ENTREP2: variants seen among roughly 807,000 people sequenced by gnomAD.
The protein encoded by ENTREP2 is protein ENTREP2.
At chr15:29,158,406 T>TTTC in the ENTREP2 span, among the ~76,000 whole-genome samples, 1,297 of 9,018 alleles carry the variant, frequency 0.14, 17 homozygotes, top group African/African-American at 0.22. Flanking sequence ...TATCTCTGCC[T>TTTC]TTTTTTTTTT....
chr15:29,556,762 GC>G, the ENTREP2 span, among the ~76,000 whole-genome samples: 32 of 38,944 alleles, frequency 8.2e-4, 1 homozygote, highest in South Asian at 1.1e-3. Flanking sequence ...CCATGCAGGT[GC>G]CCCCCCCCCG....
At chr15:29,175,966 T>C in the ENTREP2 span, among the ~76,000 whole-genome samples, 1 of 152,198 alleles carries the variant, frequency 6.6e-6, no homozygotes, top group Non-Finnish European at 1.5e-5. Context: ...GACTACTTCT[T>C]TTACTCCCAT....
At chr15:29,404,267 T>C in the ENTREP2 span, among the ~76,000 whole-genome samples, 1 of 152,024 alleles carries the variant, frequency 6.6e-6, no homozygotes. Context: ...TCCCTGGGTT[T>C]AGACACTTCT....
chr15:29,182,550 A>G, the ENTREP2 span, among the ~76,000 whole-genome samples: 1 of 152,152 alleles, frequency 6.6e-6, no homozygotes, highest in Admixed American at 6.5e-5. Flanking sequence ...TTATTGAAAA[A>G]CAGAAGGCTA....
chr15:29,217,176 G>A, the ENTREP2 span, among the ~76,000 whole-genome samples: 1 of 152,220 alleles, frequency 6.6e-6, no homozygotes, highest in Non-Finnish European at 1.5e-5. Flanking sequence ...CCTAGGAATT[G>A]TGGATACAGC....
At chr15:29,540,419 G>T in the ENTREP2 span, among the ~76,000 whole-genome samples, 1 of 152,076 alleles carries the variant, frequency 6.6e-6, no homozygotes, top group Non-Finnish European at 1.5e-5. Flanking sequence ...AAAGAAAGAG[G>T]CCAGTGGAAG....
the ENTREP2 span, among the ~76,000 whole-genome samples, chr15:29,420,145 G>A: frequency 1.3e-5 from 2 of 152,310 alleles, no homozygotes; most frequent in South Asian, 2.1e-4. Flanking sequence ...ATTCAGGCAC[G>A]AGTCTCAATG....
chr15:29,175,128 TG>T, the ENTREP2 span, among the ~76,000 whole-genome samples: 1 of 152,128 alleles, frequency 6.6e-6, no homozygotes, highest in Non-Finnish European at 1.5e-5. Context: ...TCACTGCATA[TG>T]GCGGTGAGAG....
At chr15:29,125,693 G>A in the ENTREP2 span, among the ~76,000 whole-genome samples, 3 of 152,306 alleles carry the variant, frequency 2.0e-5, no homozygotes, top group East Asian at 3.9e-4. Flanking sequence ...GTTCTCCAGC[G>A]CCGGGGGTGC....
At chr15:29,388,803 T>C in the ENTREP2 span, among the ~76,000 whole-genome samples, 11 of 152,142 alleles carry the variant, frequency 7.2e-5, no homozygotes, top group South Asian at 6.2e-4. Flanking sequence ...GATGAGTTCA[T>C]GTCCTTTGTA....
chr15:29,594,483 G>A, the ENTREP2 span, among the ~76,000 whole-genome samples: 1 of 152,112 alleles, frequency 6.6e-6, no homozygotes, highest in Non-Finnish European at 1.5e-5. Context: ...TTCTCCAGAG[G>A]TGCAATAGAT....
At chr15:29,479,068 G>A in the ENTREP2 span, among the ~76,000 whole-genome samples, 8 of 149,690 alleles carry the variant, frequency 5.3e-5, no homozygotes, top group African/African-American at 9.8e-5. Flanking sequence ...TTAGCCGGGC[G>A]TGGTGGCGGG....
chr15:29,656,588 T>G, the ENTREP2 span, among the ~76,000 whole-genome samples: 5 of 152,150 alleles, frequency 3.3e-5, no homozygotes, highest in South Asian at 2.1e-4. Context: ...ACACAGCAAA[T>G]GGAAAGATGC....
chr15:29,473,378 G>A, the ENTREP2 span, among the ~76,000 whole-genome samples: 5 of 152,070 alleles, frequency 3.3e-5, no homozygotes, highest in Admixed American at 6.6e-5. Context: ...GGAGGCCACC[G>A]AGGGATGGTG....
At chr15:29,445,280 ATG>A in the ENTREP2 span, among the ~76,000 whole-genome samples, 2 of 152,080 alleles carry the variant, frequency 1.3e-5, no homozygotes, top group African/African-American at 4.8e-5. Flanking sequence ...CTCCAAGGTG[ATG>A]TGTCTTTTTG....
At chr15:29,200,035 G>C in the ENTREP2 span, among the ~76,000 whole-genome samples, 10 of 152,118 alleles carry the variant, frequency 6.6e-5, no homozygotes, top group Admixed American at 6.6e-4. Flanking sequence ...ATATTTGTGT[G>C]TCTCTATCTG....
At chr15:29,480,120 GCTTT>G in the ENTREP2 span, among the ~76,000 whole-genome samples, 1 of 151,898 alleles carries the variant, frequency 6.6e-6, no homozygotes, top group Non-Finnish European at 1.5e-5. Context: ...AATTATCTCT[GCTTT>G]TTTTCCCTTC....
chr15:29,446,089 C>G, the ENTREP2 span, among the ~76,000 whole-genome samples: 1 of 152,176 alleles, frequency 6.6e-6, no homozygotes, highest in Non-Finnish European at 1.5e-5. Flanking sequence ...AGCTAGTTCG[C>G]CCCTTCCACC....
chr15:29,402,010 A>T, the ENTREP2 span, among the ~76,000 whole-genome samples: 1 of 152,230 alleles, frequency 6.6e-6, no homozygotes, highest in South Asian at 2.1e-4. Context: ...GCGAGGGGGA[A>T]CTTGCTTTTA....
Sources: allele counts gnomAD v4.1 joint callset (sites outside exome capture counted in the v4.1 genomes callset), GRCh38; gene constraint gnomAD v4.1.1; transcripts MANE v1.5; gene names NCBI Gene and HGNC (gene_info 2026-07-23, HGNC 2026-07-21).